The following CHST9 variants were observed in gnomAD, a reference collection of about 807,000 sequenced individuals.
CHST9 encodes carbohydrate sulfotransferase 9.
A neutral mutation model predicts 44.4 loss-of-function variants in CHST9; 41 were observed. The observed-to-expected ratio is 0.92, with a 90% CI of 0.72 to 1.20. The LOEUF is 1.20. CHST9 is among the 50% of genes most tolerant of loss of function. The pLI, the probability that CHST9 is intolerant of heterozygous loss-of-function variation, is 0.00. For synonymous variants in CHST9, 171 were observed against 178.4 expected, an observed-to-expected ratio of 0.96 and a Z score of 0.33; for missense variants, 504 against 516.5, an observed-to-expected ratio of 0.98 and a Z score of 0.23.
chr18:27,115,761 C>A (rs1302226416), intron 2 of CHST9, among the ~76,000 whole-genome samples: 1 of 152,178 alleles, frequency 6.6e-6, no homozygotes, highest in Non-Finnish European at 1.5e-5. Flanking sequence ...AATCCTCCCA[C>A]CTTGGACTCC....
chr18:26,919,895 G>A (rs1396907516), intron 5 of CHST9, among the ~76,000 whole-genome samples: 1 of 152,078 alleles, frequency 6.6e-6, no homozygotes, highest in Non-Finnish European at 1.5e-5. Context: ...TGAACTACTT[G>A]TCTCTCCAGC....
intron 4 of CHST9, among the ~76,000 whole-genome samples, chr18:26,950,951 G>A (rs1362461329): frequency 1.3e-5 from 2 of 152,122 alleles, no homozygotes; most frequent in Non-Finnish European, 2.9e-5. Flanking sequence ...CCAGCTTTTG[G>A]TTAGAGGATT....
chr18:27,033,880 G>A (rs774518557), intron 3 of CHST9, among the ~76,000 whole-genome samples: 7 of 152,106 alleles, frequency 4.6e-5, no homozygotes, highest in African/African-American at 7.2e-5. Flanking sequence ...CTCCTGTGCC[G>A]CCTCTCAGGG....
In CHST9 at chr18:26,916,860, AT is replaced by A. The variant is rs779753401; in HGVS notation, c.730del (p.Ile244SerfsTer12). The A allele has an allele frequency of 1.9e-6, 3 of 1,613,844 alleles. No homozygotes were observed. The highest frequency in any genetic ancestry group is 2.5e-6 in the Non-Finnish European group (3 of 1,179,858). Reference sequence around the variant, plus strand: ...CCCGTAGTGGACAGCATTGTGGGAGATGTTGTATGCAGAGGAAGCCAATCCA... The same window carrying A: ...CCCGTAGTGGACAGCATTGTGGGAGAGTTGTATGCAGAGGAAGCCAATCCA... ...LNGLASSAYN[I>X]SHNAVHYGKH... On this transcript the variant is annotated frameshift_variant, in exon 6 of 6. Coordinates refer to ENST00000618847, the MANE Select transcript of CHST9 (RefSeq NM_031422.6). LOFTEE classifies it high-confidence loss of function.
intron 3 of CHST9, among the ~76,000 whole-genome samples, chr18:27,038,362 A>G (rs1173943350): frequency 2.6e-5 from 4 of 152,118 alleles, no homozygotes; most frequent in Non-Finnish European, 4.4e-5. Flanking sequence ...CCTGGCCAAC[A>G]TGGTGAAACC....
At chr18:26,974,298 G>A (rs975706950) in intron 4 of CHST9, among the ~76,000 whole-genome samples, 4 of 152,168 alleles carry the variant, frequency 2.6e-5, no homozygotes, top group Non-Finnish European at 4.4e-5. Context: ...GAAAAACTGC[G>A]AGTAACCAAA....
intron 4 of CHST9, among the ~76,000 whole-genome samples, chr18:26,995,363 G>A (rs1367262115): frequency 4.6e-5 from 7 of 151,204 alleles, no homozygotes; most frequent in African/African-American, 1.2e-4. Context: ...GCATGAACCC[G>A]GGAGGCGGAG....
intron 4 of CHST9, among the ~76,000 whole-genome samples, chr18:26,983,650 T>C (rs1469263637): frequency 1.3e-5 from 2 of 152,194 alleles, no homozygotes; most frequent in East Asian, 3.9e-4. Context: ...AAGAATGGCC[T>C]AATATAGTCC....
At position 27,100,016 on chromosome 18, in the gene CHST9, T is replaced by G. The variant is rs979635120; in HGVS notation, c.121+42673A>C. ...TTGGATAAATAAAATGATATATATA[T>G]AATGATATATATATATATACACACA... On this transcript the variant is annotated intron_variant, in intron 2 of 5. Coordinates refer to ENST00000618847, the MANE Select transcript of CHST9 (RefSeq NM_031422.6). 7.4e-5 allele frequency among the ~76,000 whole-genome samples: 8 copies of G among 107,526 alleles called. No individual in the cohort carries two copies. The East Asian group carries it at 2.4e-3, about 32-fold the overall frequency. The allele number at this position is 107,526 out of a possible 152,430, so 70.5% of individuals were successfully genotyped here. A position where few individuals can be genotyped will look rare whatever the true frequency, so the allele number is the denominator to read the frequency against.
chr18:27,036,270 G>A (rs1157878656), intron 3 of CHST9, among the ~76,000 whole-genome samples: 1 of 152,010 alleles, frequency 6.6e-6, no homozygotes, highest in African/African-American at 2.4e-5. Context: ...GAGGATAACT[G>A]GACTTCCACC....
chr18:26,989,777 C>T (rs2145205840), intron 4 of CHST9, among the ~76,000 whole-genome samples: 1 of 152,124 alleles, frequency 6.6e-6, no homozygotes, highest in African/African-American at 2.4e-5. Flanking sequence ...TGGAAAAACC[C>T]CATCTCTACT....
chr18:27,075,448 T>C (rs1387320258), intron 2 of CHST9, among the ~76,000 whole-genome samples: 4 of 152,214 alleles, frequency 2.6e-5, no homozygotes, highest in African/African-American at 9.6e-5. Flanking sequence ...TATCTGAAAG[T>C]ATCATTCATT....
chr18:27,055,545 C>G (rs2057644821), intron 2 of CHST9, among the ~76,000 whole-genome samples: 1 of 152,086 alleles, frequency 6.6e-6, no homozygotes, highest in East Asian at 1.9e-4. Context: ...AAACCCAGGT[C>G]ACCACTATTG....
rs72884321 is a variant in CHST9 at position 27,105,853 on chromosome 18, C to T, written c.121+36836G>A. ...AATTTAAGGTGATAGTCTAAATGGA[C>T]GATAAAGTTAGAATGAGATTTTAAG... On this transcript the variant is annotated intron_variant, in intron 2 of 5. Transcript: ENST00000618847. Among the ~76,000 whole-genome samples the T allele has an allele frequency of 4.5e-3, 684 of 151,994 alleles. 3 individuals carry two copies. The highest frequency in any genetic ancestry group is 6.8e-3 in the Middle Eastern group (2 of 294).
In CHST9 at chr18:26,912,109, C is replaced by T. The variant is rs1313826095; in HGVS notation, c.*4150G>A. On this transcript the variant is annotated 3_prime_UTR_variant, in exon 6 of 6. Transcript: ENST00000618847. ...GTGGAAAGTTCGCCTGAACTTTCTT[C>T]CTCTTAGATTCTGCTTATCCTTGAC... is the stretch of plus-strand genomic sequence containing the variant. 6.6e-6 allele frequency: 1 copy of T among 152,068 alleles called. No individual in the cohort carries two copies. The highest frequency in any genetic ancestry group is 1.5e-5 in the Non-Finnish European group (1 of 68,034). The allele number at this position is 152,068 out of a possible 1,614,324, so 9.4% of individuals were successfully genotyped here. A position where few individuals can be genotyped will look rare whatever the true frequency, so the allele number is the denominator to read the frequency against.
intron 1 of CHST9, among the ~76,000 whole-genome samples, chr18:27,164,371 CAT>C (rs1326018317): frequency 7.4e-6 from 1 of 135,952 alleles, no homozygotes; most frequent in Admixed American, 7.2e-5. Flanking sequence ...AAGTGAAAAA[CAT>C]ATGAGTTGGA....
chr18:27,019,713 A>G (rs2057200326), intron 4 of CHST9, among the ~76,000 whole-genome samples: 2 of 147,480 alleles, frequency 1.4e-5, no homozygotes, highest in African/African-American at 5.0e-5. Flanking sequence ...AAAAAAAAAG[A>G]GAGAAAAACA....
intron 2 of CHST9, among the ~76,000 whole-genome samples, chr18:27,114,943 G>A (rs558728845): frequency 2.0e-5 from 3 of 152,254 alleles, no homozygotes; most frequent in Non-Finnish European, 4.4e-5. Context: ...TGTCAAGGAT[G>A]GAACCAGATG....
chr18:27,053,256 A>AAGAAGGAGAAGGAGAAGG lies in CHST9; in HGVS notation c.122-4771_122-4754dup, dbSNP rs1222225670. Among the ~76,000 whole-genome samples the AAGAAGGAGAAGGAGAAGG allele has an allele frequency of 8.8e-4, 71 of 80,568 alleles. 1 individual carries two copies. The highest frequency in any genetic ancestry group is 9.2e-4 in the African/African-American group (21 of 22,916). 52.9% of individuals were successfully genotyped at this position (80,568 alleles called of 152,430 possible). ...GAAGAAGAAGAAGAAGAAGAAGAAG[A>AAGAAGGAGAAGGAGAAGG]AGAAGGAGAAGGAGAAGGAGAAGGA... is the stretch of plus-strand genomic sequence containing the variant. On this transcript the variant is annotated intron_variant, in intron 2 of 5. Transcript: ENST00000618847.
Sources: allele counts gnomAD v4.1 joint callset (sites outside exome capture counted in the v4.1 genomes callset), GRCh38; gene constraint gnomAD v4.1.1; transcripts MANE v1.5; gene names NCBI Gene and HGNC (gene_info 2026-07-23, HGNC 2026-07-21).